EFNA5: variants seen among roughly 807,000 people sequenced by gnomAD.
The protein encoded by EFNA5 is ephrin-A5.
In EFNA5, 5 loss-of-function variants were observed where a neutral mutation model predicts 22.9. That is an observed-to-expected ratio of 0.22 (90% confidence interval 0.11 to 0.46). The LOEUF (loss-of-function observed/expected upper bound fraction) is 0.46, where lower values mean the gene tolerates loss of function less well. Ranked by LOEUF, EFNA5 falls within the 20% of genes least tolerant of loss-of-function variation. The pLI is 0.99. For synonymous variants in EFNA5, 113 were observed against 112.2 expected, an observed-to-expected ratio of 1.01 and a Z score of -0.04; for missense variants, 237 against 293.3, an observed-to-expected ratio of 0.81 and a Z score of 1.40.
At chr5:107,478,263 G>GTCATAAAGACC (rs1750365684) in intron 1 of EFNA5, among the ~76,000 whole-genome samples, 1 of 152,136 alleles carries the variant, frequency 6.6e-6, no homozygotes. Flanking sequence ...GAGATCCATA[G>GTCATAAAGACC]TCATAAAGAC....
intron 2 of EFNA5, among the ~76,000 whole-genome samples, chr5:107,415,475 G>C (rs1350176175): frequency 6.6e-6 from 1 of 152,106 alleles, no homozygotes; most frequent in Non-Finnish European, 1.5e-5. Context: ...AGTTTATGCT[G>C]TTCTGATTCC....
intron 1 of EFNA5, among the ~76,000 whole-genome samples, chr5:107,547,611 G>A (rs907061319): frequency 1.3e-5 from 2 of 151,994 alleles, no homozygotes; most frequent in Non-Finnish European, 2.9e-5. Flanking sequence ...ACCCCTGGCA[G>A]GGCATTTTTC....
chr5:107,474,305 A>G (rs890184090), intron 1 of EFNA5, among the ~76,000 whole-genome samples: 8 of 152,186 alleles, frequency 5.3e-5, no homozygotes, highest in Non-Finnish European at 1.0e-4. Context: ...TAGCCATGAA[A>G]GTTTGCATCC....
At chr5:107,445,837 G>T (rs1181509864) in intron 1 of EFNA5, among the ~76,000 whole-genome samples, 1 of 152,152 alleles carries the variant, frequency 6.6e-6, no homozygotes, top group African/African-American at 2.4e-5. Context: ...AGCACATATG[G>T]TACATAAAGT....
intron 1 of EFNA5, among the ~76,000 whole-genome samples, chr5:107,646,854 T>C (rs2112549462): frequency 6.6e-6 from 1 of 152,246 alleles, no homozygotes; most frequent in African/African-American, 2.4e-5. Context: ...TTGTATGGGA[T>C]TTTCCTGTAT....
chr5:107,466,795 G>A (rs1464372788), intron 1 of EFNA5, among the ~76,000 whole-genome samples: 4 of 152,124 alleles, frequency 2.6e-5, no homozygotes, highest in African/African-American at 4.8e-5. Context: ...ATCAGGAAAG[G>A]GCTCCAGAAG....
chr5:107,607,256 A>C (rs868780076), intron 1 of EFNA5, among the ~76,000 whole-genome samples: 83 of 151,340 alleles, frequency 5.5e-4, no homozygotes, highest in African/African-American at 2.0e-3. Context: ...AGAATAGAAA[A>C]TGGTGGAGGT....
chr5:107,603,688 A>G (rs780989236), intron 1 of EFNA5, among the ~76,000 whole-genome samples: 6 of 152,234 alleles, frequency 3.9e-5, no homozygotes, highest in Non-Finnish European at 8.8e-5. Context: ...AGAGCAAAGA[A>G]TGTTAGAAGT....
At chr5:107,402,718 C>A (rs1748118065) in intron 2 of EFNA5, among the ~76,000 whole-genome samples, 1 of 152,154 alleles carries the variant, frequency 6.6e-6, no homozygotes, top group Admixed American at 6.5e-5. Flanking sequence ...ATTTATTATA[C>A]TGATACATTT....
chr5:107,604,276 C>A (rs1403667264), intron 1 of EFNA5, among the ~76,000 whole-genome samples: 1 of 152,064 alleles, frequency 6.6e-6, no homozygotes, highest in Non-Finnish European at 1.5e-5. Context: ...AACTCCTGGG[C>A]TCAAGCAATC....
intron 1 of EFNA5, among the ~76,000 whole-genome samples, chr5:107,654,926 C>T (rs72791863): frequency 6.6e-6 from 1 of 152,064 alleles, no homozygotes; most frequent in Non-Finnish European, 1.5e-5. Flanking sequence ...AATAATTAAG[C>T]TGCAACTCAA....
intron 1 of EFNA5, among the ~76,000 whole-genome samples, chr5:107,579,015 C>T (rs1650795807): frequency 6.6e-6 from 1 of 152,088 alleles, no homozygotes; most frequent in Admixed American, 6.6e-5. Flanking sequence ...GACAAAAGTG[C>T]ATAAATGGTG....
chr5:107,657,546 G>A (rs1455372467), intron 1 of EFNA5, among the ~76,000 whole-genome samples: 4 of 152,070 alleles, frequency 2.6e-5, no homozygotes, highest in Non-Finnish European at 5.9e-5. Context: ...AGTACCCAAT[G>A]TTCTAATTAA....
At chr5:107,408,730 G>A (rs1748286423) in intron 2 of EFNA5, among the ~76,000 whole-genome samples, 1 of 152,230 alleles carries the variant, frequency 6.6e-6, no homozygotes, top group East Asian at 1.9e-4. Context: ...GTAAGGCCTT[G>A]GTGAGCTCTG....
chr5:107,584,695 T>A (rs1016096687), intron 1 of EFNA5, among the ~76,000 whole-genome samples: 2 of 152,200 alleles, frequency 1.3e-5, no homozygotes, highest in Non-Finnish European at 2.9e-5. Context: ...ATGAGCAACT[T>A]GCTATCAACT....
chr5:107,466,441 C>T (rs755653130), intron 1 of EFNA5, among the ~76,000 whole-genome samples: 7 of 152,152 alleles, frequency 4.6e-5, no homozygotes, highest in Non-Finnish European at 7.4e-5. Context: ...CCCTTCTCCA[C>T]TCCCACACCT....
At chr5:107,554,569 G>A (rs767066077) in intron 1 of EFNA5, among the ~76,000 whole-genome samples, 18 of 152,124 alleles carry the variant, frequency 1.2e-4, no homozygotes, top group Non-Finnish European at 2.5e-4. Flanking sequence ...GAAGAGAAAG[G>A]AAACAATTAT....
chr5:107,518,270 C>A (rs555110057), intron 1 of EFNA5, among the ~76,000 whole-genome samples: 3 of 144,606 alleles, frequency 2.1e-5, no homozygotes, highest in South Asian at 2.2e-4. Flanking sequence ...AAGCCCCACT[C>A]GGAAAAAAAA....
intron 2 of EFNA5, among the ~76,000 whole-genome samples, chr5:107,410,529 G>C (rs1305142623): frequency 2.0e-5 from 3 of 152,070 alleles, no homozygotes; most frequent in South Asian, 4.1e-4. Context: ...CTAATCCATG[G>C]AAGTCAGTTC....
Sources: gnomAD v4.1 joint callset for allele counts (sites outside exome capture counted in the v4.1 genomes callset) on GRCh38, gnomAD v4.1.1 for gene constraint, MANE v1.5 for transcripts, NCBI Gene and HGNC (gene_info 2026-07-23, HGNC 2026-07-21) for gene names.